Variants in DIAPH3 observed in about 807,000 individuals in gnomAD.
DIAPH3 encodes the protein protein diaphanous homolog 3.
A neutral mutation model predicts 144.3 loss-of-function variants in DIAPH3; 117 were observed. That is an observed-to-expected ratio of 0.81 (90% CI 0.70 to 0.95). DIAPH3 has a LOEUF of 0.95. Ranked by LOEUF, DIAPH3 falls within the 40% of genes least tolerant of loss-of-function variation. The probability of loss-of-function intolerance (pLI) is 0.00; values close to 1 mark genes in which losing one functional copy is unlikely to be tolerated. For missense variants in DIAPH3, 1,421 were observed against 1,412.7 expected (o/e 1.01, Z -0.09); for synonymous variants, 519 against 488.9 (o/e 1.06, Z -0.81).
At chr13:59,688,707 T>C (rs979388548) in intron 27 of DIAPH3, among the ~76,000 whole-genome samples, 4 of 152,032 alleles carry the variant, frequency 2.6e-5, no homozygotes, top group Non-Finnish European at 5.9e-5. Context: ...TCATGCTTCA[T>C]AAGGGCAGGG....
chr13:59,778,455 G>A (rs2038544537), intron 25 of DIAPH3, among the ~76,000 whole-genome samples: 1 of 152,178 alleles, frequency 6.6e-6, no homozygotes, highest in Non-Finnish European at 1.5e-5. Flanking sequence ...AATATATGTT[G>A]ACTAAATTAG....
intron 25 of DIAPH3, among the ~76,000 whole-genome samples, chr13:59,793,090 C>G (rs2039409031): frequency 6.6e-6 from 1 of 152,158 alleles, no homozygotes; most frequent in African/African-American, 2.4e-5. Context: ...AAAACAGGAA[C>G]CACTTGATGA....
chr13:59,819,013 T>C (rs1031252594), intron 24 of DIAPH3, among the ~76,000 whole-genome samples: 4 of 151,846 alleles, frequency 2.6e-5, no homozygotes, highest in Non-Finnish European at 1.5e-5. Flanking sequence ...CTATATGTAT[T>C]ACTTTTTCTG....
At chr13:59,995,785 C>T (rs1407629373) in intron 9 of DIAPH3, among the ~76,000 whole-genome samples, 1 of 151,906 alleles carries the variant, frequency 6.6e-6, no homozygotes, top group Non-Finnish European at 1.5e-5. Context: ...ATCTTAAAAG[C>T]TGCGAAGGAA....
rs569859333 is a variant in DIAPH3 at position 59,827,942 on chromosome 13, G to A, written c.3027+5165C>T. ...AAATTCCATGAGCTCAATTAATCCT[G>A]TAGAAGCATGATATCATTTGCTAAT... On this transcript the variant is annotated intron_variant, in intron 24 of 27. Coordinates refer to ENST00000400324, the MANE Select transcript of DIAPH3 (RefSeq NM_001042517.2). Among the ~76,000 whole-genome samples, 42 of 152,156 alleles carry A rather than the reference G, an allele frequency of 2.8e-4. 2 individuals carry two copies. The South Asian group carries it at 5.4e-3, about 20-fold the overall frequency.
intron 27 of DIAPH3, among the ~76,000 whole-genome samples, chr13:59,713,695 G>A (rs541838741): frequency 1.3e-5 from 2 of 152,242 alleles, no homozygotes; most frequent in African/African-American, 2.4e-5. Flanking sequence ...ACATGGCCAC[G>A]TAACCTAGTT....
At chr13:59,889,488 CT>C (rs1303122172) in intron 20 of DIAPH3, among the ~76,000 whole-genome samples, 3 of 151,682 alleles carry the variant, frequency 2.0e-5, no homozygotes, top group Admixed American at 1.3e-4. Flanking sequence ...GCAAATATTC[CT>C]TAATTATGAC....
intron 27 of DIAPH3, among the ~76,000 whole-genome samples, chr13:59,693,246 G>T (rs919709376): frequency 1.3e-5 from 2 of 152,066 alleles, no homozygotes; most frequent in African/African-American, 4.8e-5. Flanking sequence ...AGGTAGCCTG[G>T]GCCTGTGGGT....
At chr13:59,696,119 C>T (rs774863337) in intron 27 of DIAPH3, 1 of 152,116 alleles carries the variant, frequency 6.6e-6, no homozygotes, top group Non-Finnish European at 1.5e-5. Flanking sequence ...GCACCCAATC[C>T]CATTCACTAG....
chr13:59,809,854 C>T (rs936545144), intron 25 of DIAPH3, among the ~76,000 whole-genome samples: 4 of 152,012 alleles, frequency 2.6e-5, no homozygotes, highest in South Asian at 2.1e-4. Context: ...AATTTGCAAC[C>T]CTGAATTGTA....
chr13:59,878,155 C>T (rs144402960), intron 21 of DIAPH3, among the ~76,000 whole-genome samples: 18 of 152,260 alleles, frequency 1.2e-4, no homozygotes, highest in African/African-American at 3.6e-4. Flanking sequence ...CACAGGACTT[C>T]ACTCTGAGTA....
intron 3 of DIAPH3, among the ~76,000 whole-genome samples, chr13:60,094,307 T>A (rs939366101): frequency 1.3e-5 from 2 of 152,190 alleles, no homozygotes; most frequent in African/African-American, 4.8e-5. Flanking sequence ...GTTGTACTTA[T>A]AAAAACAGCT....
intron 17 of DIAPH3, among the ~76,000 whole-genome samples, chr13:59,933,122 C>G (rs2048099608): frequency 6.6e-6 from 1 of 152,114 alleles, no homozygotes; most frequent in South Asian, 2.1e-4. Context: ...AGTTTTTGTA[C>G]AAAATACTAT....
chr13:60,103,911 G>T (rs946139602), intron 3 of DIAPH3, among the ~76,000 whole-genome samples: 19 of 151,984 alleles, frequency 1.3e-4, no homozygotes, highest in Non-Finnish European at 1.5e-5. Context: ...AATATCAAAC[G>T]GTCAAGCTTT....
At chr13:59,981,281 C>G (rs1214876132) in intron 13 of DIAPH3, among the ~76,000 whole-genome samples, 1 of 151,174 alleles carries the variant, frequency 6.6e-6, no homozygotes, top group African/African-American at 2.4e-5. Flanking sequence ...TTATTATTCC[C>G]TAACAATATG....
chr13:59,810,762 TA>T, intron 25 of DIAPH3, 25 bp downstream of exon 25: 1 of 1,609,860 alleles, frequency 6.2e-7, no homozygotes, highest in South Asian at 1.1e-5. Flanking sequence ...ATACATAGAA[TA>T]AATAACAAAT....
At chr13:59,820,111 T>A (rs2139626928) in intron 24 of DIAPH3, among the ~76,000 whole-genome samples, 1 of 152,076 alleles carries the variant, frequency 6.6e-6, no homozygotes, top group Admixed American at 6.6e-5. Context: ...AACACATTTA[T>A]CCAGCAACAA....
chr13:60,010,530 T>TA lies in DIAPH3; in HGVS notation c.908+2dup. On this transcript the variant is annotated splice_region_variant and intron_variant, in intron 8 of 27. Transcript: ENST00000400324. ...ATTAGGGGAATATGTTGATAACACT[T>TA]ACATGCTTTCTTCCCCTACAATGCA... is the stretch of plus-strand genomic sequence containing the variant. 1 of 1,580,958 alleles carries TA rather than the reference T, an allele frequency of 6.3e-7. No homozygotes were observed. Among genetic ancestry groups the TA allele is most frequent in the Non-Finnish European group, 8.6e-7 (1 of 1,159,946 alleles).
chr13:60,023,407 G>T (rs924571199), intron 5 of DIAPH3, among the ~76,000 whole-genome samples: 1 of 151,582 alleles, frequency 6.6e-6, no homozygotes. Context: ...CTGCTTTCAA[G>T]ATGTTTTTAT....
Sources: allele counts gnomAD v4.1 joint callset (sites outside exome capture counted in the v4.1 genomes callset), GRCh38; gene constraint gnomAD v4.1.1; transcripts MANE v1.5; gene names NCBI Gene and HGNC (gene_info 2026-07-23, HGNC 2026-07-21).